The following BMERB1 variants were observed in gnomAD, a reference collection of about 807,000 sequenced individuals.
BMERB1 encodes bMERB domain containing 1, also known as bMERB domain-containing protein 1.
Under a neutral mutation model 23.6 loss-of-function variants are expected in BMERB1, and 12 were observed. The observed-to-expected ratio is 0.51, with a 90% CI of 0.33 to 0.82. The LOEUF (loss-of-function observed/expected upper bound fraction) is 0.82. BMERB1 is among the 40% of genes least tolerant of loss of function. The pLI is 0.03. For synonymous variants in BMERB1, 122 were observed against 96.6 expected (o/e 1.26, Z -1.54); for missense variants, 247 against 255.4 (o/e 0.97, Z 0.22).
intron 2 of BMERB1, among the ~76,000 whole-genome samples, chr16:15,538,923 C>A (rs1000798060): frequency 6.6e-6 from 1 of 152,128 alleles, no homozygotes; most frequent in African/African-American, 2.4e-5. Context: ...GGCTGTTTGA[C>A]TTTATAGCAG....
intron 3 of BMERB1, among the ~76,000 whole-genome samples, chr16:15,571,852 G>C (rs541615403): frequency 1.3e-5 from 2 of 151,880 alleles, no homozygotes; most frequent in African/African-American, 2.4e-5. Flanking sequence ...TCTACTCCGC[G>C]TTTCCTTTAT....
chr16:15,551,075 C>T (rs909433268), intron 2 of BMERB1, among the ~76,000 whole-genome samples: 4 of 152,124 alleles, frequency 2.6e-5, no homozygotes, highest in Non-Finnish European at 4.4e-5. Flanking sequence ...AGAATAGAAA[C>T]GGTATTGATA....
At chr16:15,541,421 TTG>T (rs376954554) in intron 2 of BMERB1, among the ~76,000 whole-genome samples, 1,643 of 135,670 alleles carry the variant, frequency 0.012, 37 homozygotes, top group African/African-American at 0.047. Context: ...GCCCGCCGAA[TTG>T]TTTTTTTTTT....
intron 1 of BMERB1, 93 bp downstream of exon 1, chr16:15,434,852 T>G: frequency 2.9e-5 from 30 of 1,021,906 alleles, no homozygotes; most frequent in Non-Finnish European, 2.7e-5. Context: ...ACGCCAGCAG[T>G]GGACCCAGGG....
chr16:15,583,455 G>A (rs1368912158), intron 5 of BMERB1, among the ~76,000 whole-genome samples: 1 of 151,622 alleles, frequency 6.6e-6, no homozygotes, highest in African/African-American at 2.4e-5. Context: ...GCACACACCT[G>A]AAATCCCAGC....
chr16:15,467,048 A>G (rs2051186304), intron 1 of BMERB1, among the ~76,000 whole-genome samples: 1 of 152,168 alleles, frequency 6.6e-6, no homozygotes, highest in Non-Finnish European at 1.5e-5. Flanking sequence ...TTTCATTGCC[A>G]AGTAATATTC....
chr16:15,482,956 A>G (rs554193294), intron 1 of BMERB1, among the ~76,000 whole-genome samples: 33 of 152,182 alleles, frequency 2.2e-4, no homozygotes, highest in East Asian at 9.6e-4. Context: ...ACACACACAC[A>G]CGCGCGTAAA....
chr16:15,488,311 A>C (rs1342916417), intron 1 of BMERB1, among the ~76,000 whole-genome samples: 1 of 152,154 alleles, frequency 6.6e-6, no homozygotes, highest in African/African-American at 2.4e-5. Context: ...AAATATTCAC[A>C]AATGTAAAAG....
chr16:15,567,038 T>G (rs897405333), intron 2 of BMERB1, among the ~76,000 whole-genome samples: 1 of 151,620 alleles, frequency 6.6e-6, no homozygotes, highest in Admixed American at 6.6e-5. Context: ...GTTTAAAAAT[T>G]AGCCTGTAGT....
At chr16:15,512,890 A>AG (rs930542629) in intron 1 of BMERB1, among the ~76,000 whole-genome samples, 6 of 151,726 alleles carry the variant, frequency 4.0e-5, no homozygotes, top group African/African-American at 7.3e-5. Context: ...AAAAAAAAAA[A>AG]GAGAAAAAGG....
chr16:15,496,017 G>C (rs1052243202), intron 1 of BMERB1, among the ~76,000 whole-genome samples: 1 of 152,038 alleles, frequency 6.6e-6, no homozygotes, highest in East Asian at 1.9e-4. Flanking sequence ...TGGTGATAGT[G>C]GTGATGGTGA....
intron 2 of BMERB1, among the ~76,000 whole-genome samples, chr16:15,525,871 T>C (rs1163564178): frequency 6.6e-6 from 1 of 152,138 alleles, no homozygotes; most frequent in African/African-American, 2.4e-5. Context: ...ACCTAGCAAG[T>C]TGGATAAAAT....
chr16:15,517,652 A>G (rs991871051), intron 2 of BMERB1, among the ~76,000 whole-genome samples: 1 of 148,188 alleles, frequency 6.7e-6, no homozygotes, highest in Admixed American at 6.9e-5. Context: ...TTTTAAAAAT[A>G]TATATTTATT....
At chr16:15,503,771 C>T (rs1240281182) in intron 1 of BMERB1, among the ~76,000 whole-genome samples, 2 of 152,118 alleles carry the variant, frequency 1.3e-5, no homozygotes, top group Admixed American at 6.6e-5. Flanking sequence ...AAGTAATTTG[C>T]CCAGGTCGCA....
intron 2 of BMERB1, among the ~76,000 whole-genome samples, chr16:15,545,119 C>A (rs1354384168): frequency 6.6e-6 from 1 of 152,044 alleles, no homozygotes; most frequent in African/African-American, 2.4e-5. Context: ...ATTATAGGCA[C>A]CCGCCACCAC....
chr16:15,490,066 G>A (rs866884590), intron 1 of BMERB1, among the ~76,000 whole-genome samples: 3 of 151,930 alleles, frequency 2.0e-5, no homozygotes, highest in East Asian at 1.9e-4. Flanking sequence ...GAGTTTCACC[G>A]TATGAGCCAG....
intron 3 of BMERB1, among the ~76,000 whole-genome samples, chr16:15,579,123 G>C (rs1252266864): frequency 6.6e-6 from 1 of 152,190 alleles, no homozygotes; most frequent in Non-Finnish European, 1.5e-5. Context: ...GCCAGTTGTT[G>C]GGTGATTCTG....
chr16:15,492,783 G>T (rs2051433985), intron 1 of BMERB1, among the ~76,000 whole-genome samples: 1 of 152,042 alleles, frequency 6.6e-6, no homozygotes, highest in Non-Finnish European at 1.5e-5. Flanking sequence ...GCCAGGCATG[G>T]TGGCACACAC....
At chr16:15,543,353 A>G (rs1194049882) in intron 2 of BMERB1, among the ~76,000 whole-genome samples, 8 of 152,112 alleles carry the variant, frequency 5.3e-5, no homozygotes, top group African/African-American at 1.9e-4. Flanking sequence ...GGTTTTGGAA[A>G]AGGCAACATT....
Sources: gnomAD v4.1 joint callset for allele counts (sites outside exome capture counted in the v4.1 genomes callset) on GRCh38, gnomAD v4.1.1 for gene constraint, MANE v1.5 for transcripts, NCBI Gene and HGNC (gene_info 2026-07-23, HGNC 2026-07-21) for gene names.